HIPK3: variants seen among roughly 807,000 people sequenced by gnomAD.
The protein encoded by HIPK3 is homeodomain-interacting protein kinase 3.
Under a neutral mutation model 124.2 loss-of-function variants are expected in HIPK3, and 47 were observed. The observed-to-expected ratio is 0.38, with a 90% confidence interval of 0.30 to 0.48. HIPK3 has a LOEUF of 0.48. Among genes scored for constraint, HIPK3 ranks in the 20% least tolerant of loss-of-function variants. The probability of loss-of-function intolerance (pLI) is 0.98; values close to 1 mark genes in which losing one functional copy is unlikely to be tolerated. For missense variants in HIPK3, 1,286 were observed against 1,454.3 expected, an observed-to-expected ratio of 0.88 and a Z score of 1.88; for synonymous variants, 482 against 515.2, an observed-to-expected ratio of 0.94 and a Z score of 0.87.
intron 2 of HIPK3, among the ~76,000 whole-genome samples, chr11:33,316,740 C>T (rs2133951725): frequency 6.6e-6 from 1 of 152,170 alleles, no homozygotes; most frequent in Non-Finnish European, 1.5e-5. Context: ...AGGAGGATTG[C>T]CAGACCCTGG....
chr11:33,315,323 C>G (rs911951025), intron 2 of HIPK3, among the ~76,000 whole-genome samples: 1 of 152,106 alleles, frequency 6.6e-6, no homozygotes, highest in African/African-American at 2.4e-5. Context: ...GCCTCCGGGG[C>G]TCAAGCAATT....
chr11:33,292,315 T>C (rs1851720169), intron 2 of HIPK3, among the ~76,000 whole-genome samples: 1 of 152,216 alleles, frequency 6.6e-6, no homozygotes, highest in South Asian at 2.1e-4. Flanking sequence ...TGCTAGGTGC[T>C]AAGAATACAA....
intron 2 of HIPK3, among the ~76,000 whole-genome samples, chr11:33,321,991 C>CT (rs1325857127): frequency 6.6e-6 from 1 of 152,014 alleles, no homozygotes; most frequent in African/African-American, 2.4e-5. Flanking sequence ...ACATTCCCAA[C>CT]TTTTTATTTT....
At position 33,278,851 on chromosome 11, in the gene HIPK3, G is replaced by GA. The variant is rs35666212; in HGVS notation, c.-2-7552dup. Among the ~76,000 whole-genome samples the GA allele has an allele frequency of 6.3e-3, 924 of 146,146 alleles. 7 individuals carry two copies. Among genetic ancestry groups the GA allele is most frequent in the South Asian group, 0.028 (128 of 4,636 alleles). On this transcript the variant is annotated intron_variant, in intron 1 of 16. Transcript: ENST00000303296. The stretch of plus-strand genomic sequence containing the variant: ...AGAGCGAGACTCCGTCTCAAAAAAG[G>GA]AAAAAAAAAATGATTTAAGATAGTA...
At chr11:33,285,016 A>T (rs1851510723) in intron 1 of HIPK3, among the ~76,000 whole-genome samples, 1 of 152,206 alleles carries the variant, frequency 6.6e-6, no homozygotes, top group Non-Finnish European at 1.5e-5. Flanking sequence ...TTCATATTTT[A>T]TAAATTCTAA....
intron 15 of HIPK3, 49 bp downstream of exon 15, chr11:33,351,892 A>C: frequency 6.9e-7 from 1 of 1,448,676 alleles, no homozygotes; most frequent in Non-Finnish European, 9.5e-7. Flanking sequence ...ATACGGTCTT[A>C]ATTTAGGAAA....
At chr11:33,270,232 A>G (rs1851087383) in intron 1 of HIPK3, among the ~76,000 whole-genome samples, 2 of 152,202 alleles carry the variant, frequency 1.3e-5, no homozygotes, top group East Asian at 3.9e-4. Context: ...CACCTGCCTC[A>G]TCCTCCTGAA....
At chr11:33,322,240 C>G (rs1002903206) in intron 2 of HIPK3, among the ~76,000 whole-genome samples, 89 of 152,144 alleles carry the variant, frequency 5.8e-4, no homozygotes, top group Non-Finnish European at 1.0e-3. Context: ...ACCTCGTGAT[C>G]TGCCTGCCTC....
At chr11:33,315,353 A>C (rs925993840) in intron 2 of HIPK3, among the ~76,000 whole-genome samples, 2 of 152,128 alleles carry the variant, frequency 1.3e-5, no homozygotes, top group Non-Finnish European at 1.5e-5. Context: ...CAGCCTCCCA[A>C]GTAGCTGGGA....
chr11:33,301,161 T>A (rs1450458989), intron 2 of HIPK3, among the ~76,000 whole-genome samples: 1 of 152,218 alleles, frequency 6.6e-6, no homozygotes, highest in Non-Finnish European at 1.5e-5. Flanking sequence ...CACAATATGT[T>A]ACTTATTTGC....
intron 1 of HIPK3, among the ~76,000 whole-genome samples, chr11:33,270,924 C>T (rs1335582842): frequency 1.3e-5 from 2 of 152,100 alleles, no homozygotes; most frequent in Admixed American, 1.3e-4. Flanking sequence ...GTTCTTTTCC[C>T]TGAATATTTT....
chr11:33,353,096 A>G lies in HIPK3; in HGVS notation c.3176A>G (p.Gln1059Arg). Residue 1059 changes from glutamine to arginine, a missense_variant, in exon 17 of 17, where the codon CAG becomes CGG. Physicochemically the swap from Gln to Arg is conservative, Grantham distance 43. Transcript: ENST00000303296. The stretch of plus-strand genomic sequence containing the variant: ...TTTTTTTTTCTTTGTGGATAGGTTC[A>G]GCACTTTGGATCTGGGCATCAAGAG... ...QQQHLNFSQV[Q>R]HFGSGHQEWN... 1.2e-6 allele frequency: 2 copies of G among 1,600,334 alleles called. No homozygotes were observed.
intron 2 of HIPK3, among the ~76,000 whole-genome samples, chr11:33,307,608 G>T (rs1976002): frequency 6.7e-5 from 10 of 149,902 alleles, no homozygotes; most frequent in African/African-American, 2.5e-4. Flanking sequence ...GGGTTTCACC[G>T]TGTTAGCCAG....
rs1202199384 is a variant in HIPK3 at position 33,348,882 on chromosome 11, A to G, written c.2666+64A>G. ...GCATCCTTTGGTGTGCCGAAAAACA[A>G]CTTTCTGTGACTTATTTCTTGTTTG... On this transcript the variant is annotated intron_variant, in intron 13 of 16. Transcript: ENST00000303296. 3 of 1,408,282 alleles carry G rather than the reference A, an allele frequency of 2.1e-6. No individual in the cohort carries two copies. The South Asian group carries it at 4.0e-5, about 19-fold the overall frequency. The allele number at this position is 1,408,282 out of a possible 1,614,324, so 87.2% of individuals were successfully genotyped here. A position where few individuals can be genotyped will look rare whatever the true frequency, so the allele number is the denominator to read the frequency against.
chr11:33,337,110 A>G lies in HIPK3; in HGVS notation c.1257A>G (p.Gly419=), dbSNP rs759375645. The change falls in exon 4 of 17, where the codon GGA becomes GGG. Residue 419 remains glycine, a synonymous_variant. Transcript: ENST00000303296. ...TTTCTCAGACTCAAGGTTTGCCAGG[A>G]GAACAGTTGTTAAATGTGGGTACTA... ...RYISQTQGLP[G]EQLLNVGTKS... The G allele has an allele frequency of 1.2e-6, 2 of 1,602,502 alleles. No individual in the cohort carries two copies. The highest frequency in any genetic ancestry group is 2.7e-5 in the African/African-American group (2 of 74,600).
At chr11:33,333,780 A>C (rs1043909984) in intron 3 of HIPK3, among the ~76,000 whole-genome samples, 1 of 152,150 alleles carries the variant, frequency 6.6e-6, no homozygotes, top group Non-Finnish European at 1.5e-5. Flanking sequence ...CTTCTTCACA[A>C]TGGCTTACTA....
chr11:33,353,203 G>T lies in HIPK3; in HGVS notation c.3283G>T (p.Gly1095Ter). The change falls in exon 17 of 17, where the codon GGA (glycine) becomes TGA (stop). Residue 1095 changes from glycine to a stop codon, truncating the protein, a stop_gained. Transcript: ENST00000303296. LOFTEE classifies it high-confidence loss of function. ...CAGTAATCCATTCACTCTTTCTCAT[G>T]GAAGTCCCAATCACACAGCAGTGCA... Reference protein sequence around the residue: ...VTSNPFTLSHGSPNHTAVHAH... With the variant: ...VTSNPFTLSH The T allele has an allele frequency of 6.2e-7, 1 of 1,613,848 alleles. No homozygotes were observed. Among genetic ancestry groups the T allele is most frequent in the Non-Finnish European group, 8.5e-7 (1 of 1,179,880 alleles).
chr11:33,257,676 A>T lies in HIPK3; in HGVS notation c.-216A>T. On this transcript the variant is annotated 5_prime_UTR_variant, in exon 1 of 17. Transcript: ENST00000303296. Reference sequence around the variant, plus strand: ...GGCGCTTAGCAGCCAGAGCAGCAGCAGCAGCAGCAGCGGTCGGGGGAGGGT... The same window carrying T: ...GGCGCTTAGCAGCCAGAGCAGCAGCTGCAGCAGCAGCGGTCGGGGGAGGGT... The T allele has an allele frequency of 1.0e-6, 1 of 994,398 alleles. No individual in the cohort carries two copies. Among genetic ancestry groups the T allele is most frequent in the African/African-American group, 1.7e-5 (1 of 57,466 alleles). 61.6% of individuals were successfully genotyped at this position (994,398 alleles called of 1,614,324 possible).
At chr11:33,318,075 G>T (rs1852557160) in intron 2 of HIPK3, among the ~76,000 whole-genome samples, 2 of 152,134 alleles carry the variant, frequency 1.3e-5, no homozygotes, top group South Asian at 4.1e-4. Flanking sequence ...ATGTCTGCTA[G>T]AATTCTCTTA....
Sources: gnomAD v4.1 joint callset for allele counts (sites outside exome capture counted in the v4.1 genomes callset) on GRCh38, gnomAD v4.1.1 for gene constraint, MANE v1.5 for transcripts, NCBI Gene and HGNC (gene_info 2026-07-23, HGNC 2026-07-21) for gene names.